HERC3: variants seen among roughly 807,000 people sequenced by gnomAD.
The protein encoded by HERC3 is probable E3 ubiquitin-protein ligase HERC3.
A neutral mutation model predicts 129.9 loss-of-function variants in HERC3; 58 were observed. The ratio of observed to expected loss-of-function variants is 0.45; its 90% CI spans 0.36 to 0.56. The LOEUF (loss-of-function observed/expected upper bound fraction) is 0.56, where lower values mean the gene tolerates loss of function less well. Among genes scored for constraint, HERC3 ranks in the 20% least tolerant of loss-of-function variants. The pLI, the probability that HERC3 is intolerant of heterozygous loss-of-function variation, is 0.00. For synonymous variants in HERC3, 430 were observed against 451.0 expected (o/e 0.95, Z 0.59); for missense variants, 835 against 1,244.2 (o/e 0.67, Z 4.95).
chr4:88,558,331 T>C, the HERC3 span, among the ~76,000 whole-genome samples: 1,171 of 152,200 alleles, frequency 7.7e-3, 15 homozygotes, highest in African/African-American at 0.027. Context: ...CAAAACAGAA[T>C]GAAATAATGT....
chr4:88,681,165 G>A lies in HERC3; in HGVS notation c.2347G>A (p.Val783Ile). 3 of 1,607,888 alleles carry A rather than the reference G, an allele frequency of 1.9e-6. No individual in the cohort carries two copies. The highest frequency in any genetic ancestry group is 2.5e-6 in the Non-Finnish European group (3 of 1,178,046). ...NLLWFSDTCFVEHNWFHLIGI... is the reference protein window; with the variant it reads ...NLLWFSDTCFIEHNWFHLIGI... ...TTGTATGTGTCCTAAAAAGTGTTTT[G>A]TAGAGCACAACTGGTTTCACTTGAT... Residue 783 changes from valine (V) to isoleucine (I), a missense_variant, in exon 21 of 26, where the codon GTA becomes ATA. Val to Ile is a conservative substitution (Grantham distance 29, BLOSUM62 3). Coordinates refer to ENST00000402738, the MANE Select transcript of HERC3 (RefSeq NM_014606.3).
At chr4:88,574,207 A>G in the HERC3 span, among the ~76,000 whole-genome samples, 1 of 152,178 alleles carries the variant, frequency 6.6e-6, no homozygotes, top group African/African-American at 2.4e-5. Flanking sequence ...CTCCAGAGGG[A>G]GTGATACGAA....
chr4:88,551,157 C>T, the HERC3 span, among the ~76,000 whole-genome samples: 2 of 151,902 alleles, frequency 1.3e-5, no homozygotes, highest in East Asian at 1.9e-4. Context: ...AAGACTTAAA[C>T]GTTAGACCTA....
rs761754111 is a variant in HERC3 at position 88,649,907 on chromosome 4, C to T, written c.294C>T (p.Ala98=). Residue 98 remains alanine (A), a synonymous_variant, in exon 4 of 26, where the codon GCC becomes GCT. Coordinates refer to ENST00000402738, the MANE Select transcript of HERC3 (RefSeq NM_014606.3). ...CATGTGGCGAGTCCCACAGTCTGGC[C>T]CTCAGTGACCGAGGCCAGCTGTTTT... ...HVACGESHSL[A]LSDRGQLFSW... is the part of the protein sequence containing the mutation. 5 of 1,614,038 alleles carry T rather than the reference C, an allele frequency of 3.1e-6. No homozygotes were observed. The highest frequency in any genetic ancestry group is 4.2e-6 in the Non-Finnish European group (5 of 1,179,970).
the HERC3 span, among the ~76,000 whole-genome samples, chr4:88,576,675 T>A: frequency 6.6e-6 from 1 of 152,182 alleles, no homozygotes; most frequent in Non-Finnish European, 1.5e-5. Context: ...TGGTAGTGGT[T>A]ACCTAATCAA....
chr4:88,536,592 A>G, the HERC3 span, among the ~76,000 whole-genome samples: 12 of 152,196 alleles, frequency 7.9e-5, no homozygotes, highest in African/African-American at 1.2e-4. Context: ...CTTTATCCCT[A>G]AATCTAGCAC....
In HERC3 at chr4:88,697,881, C is replaced by T. The variant is rs1052288062; in HGVS notation, c.2658-6217C>T. The stretch of plus-strand genomic sequence containing the variant: ...GCGGCCGCGGGAATGACGTTGGCCG[C>T]GGCCCCGCCTCCTGCTTTCGCGGCA... On this transcript the variant is annotated intron_variant, in intron 23 of 25. Coordinates refer to ENST00000402738, the MANE Select transcript of HERC3 (RefSeq NM_014606.3). 1.2e-5 allele frequency: 16 copies of T among 1,320,482 alleles called. No individual in the cohort carries two copies. In the East Asian group the frequency reaches 2.2e-4, roughly 18 times the overall value. The allele number at this position is 1,320,482 out of a possible 1,614,324, so 81.8% of individuals were successfully genotyped here. A position where few individuals can be genotyped will look rare whatever the true frequency, so the allele number is the denominator to read the frequency against.
chr4:88,676,045 T>A (rs1732129670), intron 16 of HERC3, among the ~76,000 whole-genome samples, 173 bp from the exon 17 acceptor site: 1 of 152,212 alleles, frequency 6.6e-6, no homozygotes, highest in Non-Finnish European at 1.5e-5. Flanking sequence ...TCTCATTCTG[T>A]GGCCATCAAA....
rs1197788184 is a variant in HERC3, at chr4:88,708,291, A to T, written c.*1331A>T. ...CTAATTTTAAATTCCTAGTAACTAG[A>T]GAAAAGACTTATTTATATAAAATGA... On this transcript the variant is annotated 3_prime_UTR_variant, in exon 26 of 26. Transcript: ENST00000402738. 1 of 152,630 alleles carries T rather than the reference A, an allele frequency of 6.6e-6. No individual in the cohort carries two copies. Among genetic ancestry groups the T allele is most frequent in the Non-Finnish European group, 1.5e-5 (1 of 68,040 alleles). 9.5% of individuals were successfully genotyped at this position (152,630 alleles called of 1,614,324 possible).
chr4:88,696,354 T>A (rs2149338253), intron 23 of HERC3: 1 of 152,784 alleles, frequency 6.5e-6, no homozygotes, highest in South Asian at 2.1e-4. Flanking sequence ...TGGATACACA[T>A]GCTTTACATA....
At chr4:88,629,829 A>AT (rs1208333790) in intron 3 of HERC3, among the ~76,000 whole-genome samples, 3 of 152,122 alleles carry the variant, frequency 2.0e-5, no homozygotes, top group African/African-American at 4.8e-5. Flanking sequence ...AAATATGGAG[A>AT]TTTTTTACAT....
intron 3 of HERC3, among the ~76,000 whole-genome samples, chr4:88,644,572 A>G (rs1728494522): frequency 6.6e-6 from 1 of 152,198 alleles, no homozygotes; most frequent in South Asian, 2.1e-4. Flanking sequence ...AGTGAGAGAA[A>G]ACAGATTGTT....
At chr4:88,647,044 C>T (rs1728763804) in intron 3 of HERC3, among the ~76,000 whole-genome samples, 2 of 152,064 alleles carry the variant, frequency 1.3e-5, no homozygotes, top group African/African-American at 4.8e-5. Context: ...AGTCCTTTAC[C>T]TTGCAAAAAT....
At chr4:88,553,696 C>T in the HERC3 span, among the ~76,000 whole-genome samples, 1 of 152,182 alleles carries the variant, frequency 6.6e-6, no homozygotes, top group Non-Finnish European at 1.5e-5. Context: ...CACCACCACA[C>T]CCACCTAATT....
chr4:88,662,424 T>C lies in HERC3; in HGVS notation c.1147-7T>C. Reference sequence around the variant, plus strand: ...TCTTCTTTTTACTGTTACATTTAATTCTCCAGAATTATTCTCCTGCTGTTG... The same window carrying C: ...TCTTCTTTTTACTGTTACATTTAATCCTCCAGAATTATTCTCCTGCTGTTG... On this transcript the variant is annotated splice_region_variant and splice_polypyrimidine_tract_variant and intron_variant, in intron 10 of 25. Coordinates refer to ENST00000402738, the MANE Select transcript of HERC3 (RefSeq NM_014606.3). 6.2e-7 allele frequency: 1 copy of C among 1,600,268 alleles called. No homozygotes were observed. The highest frequency in any genetic ancestry group is 8.5e-7 in the Non-Finnish European group (1 of 1,175,820).
At chr4:88,663,510 C>G (rs1394892819) in intron 11 of HERC3, among the ~76,000 whole-genome samples, 8 of 152,102 alleles carry the variant, frequency 5.3e-5, no homozygotes, top group Admixed American at 5.2e-4. Context: ...CTTTCCTGAT[C>G]TAAATTCTGT....
At chr4:88,681,361 T>C (rs1455530444) in intron 21 of HERC3, 36 bp downstream of exon 21, 18 of 1,570,598 alleles carry the variant, frequency 1.1e-5, no homozygotes, top group East Asian at 2.2e-5. Flanking sequence ...TCTGAAACTG[T>C]TGTGGCTGCC....
intron 23 of HERC3, chr4:88,697,807 C>G (rs1578343782): frequency 6.5e-7 from 1 of 1,528,206 alleles, no homozygotes; most frequent in African/African-American, 1.4e-5. Context: ...GGCCCTGCAC[C>G]CGAGCTGGTC....
rs183111920 is a variant in HERC3 at position 88,624,924 on chromosome 4, C to T, written c.226+18875C>T. On this transcript the variant is annotated intron_variant, in intron 3 of 25. Coordinates refer to ENST00000402738, the MANE Select transcript of HERC3 (RefSeq NM_014606.3). Reference sequence around the variant, plus strand: ...AGGTTCGTTTTTTTGCATATGGATACCCAATTTTCAGCATCATTATTGAAA... The same window carrying T: ...AGGTTCGTTTTTTTGCATATGGATATCCAATTTTCAGCATCATTATTGAAA... Among the ~76,000 whole-genome samples, 528 of 152,054 alleles carry T rather than the reference C, an allele frequency of 3.5e-3. 6 individuals are homozygous for T. The highest frequency in any genetic ancestry group is 0.012 in the African/African-American group (501 of 41,476).
Sources: gnomAD v4.1 joint callset for allele counts (sites outside exome capture counted in the v4.1 genomes callset) on GRCh38, gnomAD v4.1.1 for gene constraint, MANE v1.5 for transcripts, NCBI Gene and HGNC (gene_info 2026-07-23, HGNC 2026-07-21) for gene names.